Variants in MICU3 observed in about 807,000 individuals in gnomAD.
MICU3 encodes the protein calcium uptake protein 3, mitochondrial.
In MICU3, 62 loss-of-function variants were observed where a neutral mutation model predicts 66.5. The ratio of observed to expected loss-of-function variants is 0.93; its 90% confidence interval spans 0.76 to 1.15. MICU3 has a LOEUF of 1.15. MICU3 is among the 50% of genes most tolerant of loss of function. The pLI is 0.00. For synonymous variants in MICU3, 308 were observed against 240.7 expected (o/e 1.28, Z -2.59); for missense variants, 779 against 664.4 (o/e 1.17, Z -1.90).
downstream of MICU3, among the ~76,000 whole-genome samples, chr8:17,123,614 G>A (rs1357380953): frequency 1.3e-5 from 2 of 152,054 alleles, no homozygotes; most frequent in African/African-American, 2.4e-5. Flanking sequence ...AAGTTTGGGG[G>A]CAGCATCTTT....
At chr8:17,058,414 T>C (rs1817310533) in intron 1 of MICU3, among the ~76,000 whole-genome samples, 1 of 152,132 alleles carries the variant, frequency 6.6e-6, no homozygotes. Context: ...GCCATATTTG[T>C]TTTTTAAAAG....
chr8:17,041,836 G>C (rs1053884125), intron 1 of MICU3, among the ~76,000 whole-genome samples: 2 of 152,150 alleles, frequency 1.3e-5, no homozygotes, highest in Admixed American at 6.5e-5. Flanking sequence ...AGTTGAAGGT[G>C]TTCTTCTTGC....
chr8:17,029,595 T>C (rs1387303705), intron 1 of MICU3, among the ~76,000 whole-genome samples: 1 of 152,264 alleles, frequency 6.6e-6, no homozygotes, highest in Non-Finnish European at 1.5e-5. Flanking sequence ...GTTAAAGTCC[T>C]GTGTCTTATG....
chr8:17,039,840 T>C (rs911082605), intron 1 of MICU3, among the ~76,000 whole-genome samples: 85 of 151,406 alleles, frequency 5.6e-4, no homozygotes, highest in African/African-American at 2.0e-3. Context: ...TTGATATGTG[T>C]ATATATTGTT....
At chr8:17,123,459 A>G (rs1372705695), downstream of MICU3, among the ~76,000 whole-genome samples, 1 of 152,096 alleles carries the variant, frequency 6.6e-6, no homozygotes, top group Admixed American at 6.6e-5. Flanking sequence ...CTGAGTAGAC[A>G]GTTTTTGGAA....
chr8:17,137,826 C>T, the MICU3 span, among the ~76,000 whole-genome samples: 3 of 150,360 alleles, frequency 2.0e-5, no homozygotes, highest in Admixed American at 2.0e-4. Flanking sequence ...AAGCAGTTCT[C>T]CTGCCTCAGC....
the MICU3 span, among the ~76,000 whole-genome samples, chr8:17,128,789 G>A: frequency 6.6e-6 from 1 of 152,170 alleles, no homozygotes; most frequent in Non-Finnish European, 1.5e-5. Flanking sequence ...TGGCAGAAAT[G>A]GGACCAGAGT....
In MICU3 at chr8:17,096,298, C is replaced by G. The variant is rs148269606; in HGVS notation, c.889-2160C>G. ...ATGTTCTGGTTTTATATTTGCTTTG[C>G]ATTTCTTGCTATTAAAATCTAGTCT... On this transcript the variant is annotated intron_variant, in intron 8 of 14. Coordinates refer to ENST00000318063, the MANE Select transcript of MICU3 (RefSeq NM_181723.3). Among the ~76,000 whole-genome samples, 408 of 151,954 alleles carry G rather than the reference C, an allele frequency of 2.7e-3. 2 individuals carry two copies. The highest frequency in any genetic ancestry group is 9.4e-3 in the African/African-American group (389 of 41,504).
intron 11 of MICU3, among the ~76,000 whole-genome samples, chr8:17,113,779 A>G (rs983192151): frequency 2.6e-5 from 4 of 152,138 alleles, no homozygotes; most frequent in Non-Finnish European, 5.9e-5. Flanking sequence ...CAGGCATAAA[A>G]GAGAGGATTT....
intron 13 of MICU3, among the ~76,000 whole-genome samples, chr8:17,118,270 T>A (rs1802882121): frequency 6.6e-6 from 1 of 152,170 alleles, no homozygotes; most frequent in African/African-American, 2.4e-5. Flanking sequence ...TGCCCTTTTT[T>A]TAATTTTTAT....
At chr8:17,095,622 G>A (rs1287045574) in intron 8 of MICU3, among the ~76,000 whole-genome samples, 1 of 151,726 alleles carries the variant, frequency 6.6e-6, no homozygotes, top group East Asian at 1.9e-4. Flanking sequence ...CAGGGTATTT[G>A]GCTCTCTGAA....
At chr8:17,113,160 C>T (rs1290845465) in intron 11 of MICU3, among the ~76,000 whole-genome samples, 2 of 152,198 alleles carry the variant, frequency 1.3e-5, no homozygotes, top group Middle Eastern at 3.2e-3. Flanking sequence ...TTATATGAAA[C>T]TAGATCCCTG....
the MICU3 span, chr8:17,132,548 C>A: frequency 6.6e-6 from 1 of 152,184 alleles, no homozygotes; most frequent in Non-Finnish European, 1.5e-5. Flanking sequence ...TAAAGGCAAC[C>A]CAGTTTCCTC....
chr8:17,132,220 A>G, the MICU3 span: 1 of 152,224 alleles, frequency 6.6e-6, no homozygotes, highest in Non-Finnish European at 1.5e-5. Context: ...GCATATATAC[A>G]TAAGTACATA....
chr8:17,042,482 A>C (rs1011281934), intron 1 of MICU3, among the ~76,000 whole-genome samples: 1 of 152,176 alleles, frequency 6.6e-6, no homozygotes, highest in African/African-American at 2.4e-5. Context: ...GATTTTCTAG[A>C]TTTATTATTT....
chr8:17,064,022 G>T, intron 1 of MICU3, 62 bp from the exon 2 acceptor site: 1 of 1,258,124 alleles, frequency 7.9e-7, no homozygotes, highest in Non-Finnish European at 1.1e-6. Context: ...ATAATTAAAA[G>T]TATCTTCTAG....
intron 13 of MICU3, among the ~76,000 whole-genome samples, chr8:17,117,413 A>G (rs1161662845): frequency 6.6e-6 from 1 of 152,208 alleles, no homozygotes; most frequent in African/African-American, 2.4e-5. Context: ...AAAAATAATT[A>G]CCAGAAATTC....
chr8:17,125,003 T>A (rs1162749539), downstream of MICU3, among the ~76,000 whole-genome samples: 2 of 152,138 alleles, frequency 1.3e-5, no homozygotes, highest in East Asian at 3.9e-4. Context: ...CTTTTCAACC[T>A]AAAAACTCAT....
At position 17,121,442 on chromosome 8, in the gene MICU3, A is replaced by C. The variant is rs1451448710; in HGVS notation, c.*1155A>C. On this transcript the variant is annotated 3_prime_UTR_variant, in exon 15 of 15. Coordinates refer to ENST00000318063, the MANE Select transcript of MICU3 (RefSeq NM_181723.3). ...TAGAGAAACAATTTGATAATACTTA[A>C]TAGAAATCTGTTCAATTAAAAATGC... The C allele has an allele frequency of 6.6e-6, 1 of 151,948 alleles. No homozygotes were observed. The highest frequency in any genetic ancestry group is 1.5e-5 in the Non-Finnish European group (1 of 67,790). 9.4% of individuals were successfully genotyped at this position (151,948 alleles called of 1,614,324 possible). A position where few individuals can be genotyped will look rare whatever the true frequency, so the allele number is the denominator to read the frequency against.
Sources: allele counts gnomAD v4.1 joint callset (sites outside exome capture counted in the v4.1 genomes callset), GRCh38; gene constraint gnomAD v4.1.1; transcripts MANE v1.5; gene names NCBI Gene and HGNC (gene_info 2026-07-23, HGNC 2026-07-21).